KDM4B: variants seen among roughly 807,000 people sequenced by gnomAD.
KDM4B encodes the protein lysine demethylase 4B, also known as lysine-specific demethylase 4B.
In KDM4B, 32 loss-of-function variants were observed where a neutral mutation model predicts 125.2. The ratio of observed to expected loss-of-function variants is 0.26; its 90% CI spans 0.19 to 0.34. The LOEUF is 0.34. Among genes scored for constraint, KDM4B ranks in the 10% least tolerant of loss-of-function variants. The pLI, the probability that KDM4B is intolerant of heterozygous loss-of-function variation, is 1.00. For missense variants in KDM4B, 1,190 were observed against 1,577.7 expected, an observed-to-expected ratio of 0.75 and a Z score of 4.16; for synonymous variants, 721 against 677.9, an observed-to-expected ratio of 1.06 and a Z score of -0.99.
chr19:5,053,472 G>A (rs2037296657), intron 6 of KDM4B, among the ~76,000 whole-genome samples: 1 of 152,230 alleles, frequency 6.6e-6, no homozygotes, highest in Non-Finnish European at 1.5e-5. Context: ...TAGGGAGGCA[G>A]AGGGACCCTG....
At chr19:4,981,188 A>G (rs1208144766) in intron 1 of KDM4B, among the ~76,000 whole-genome samples, 2 of 152,090 alleles carry the variant, frequency 1.3e-5, no homozygotes, top group African/African-American at 2.4e-5. Context: ...TCTCCGCTCC[A>G]TGGGGCAGCG....
chr19:5,030,530 A>C (rs2036418685), intron 2 of KDM4B, among the ~76,000 whole-genome samples: 1 of 152,182 alleles, frequency 6.6e-6, no homozygotes, highest in Admixed American at 6.5e-5. Context: ...TGGCCCTTGC[A>C]GTGGGTTACA....
chr19:5,056,405 C>CTTTTT (rs941745686), intron 6 of KDM4B, among the ~76,000 whole-genome samples: 2 of 136,312 alleles, frequency 1.5e-5, no homozygotes, highest in Non-Finnish European at 3.2e-5. Context: ...CCCTTTCTTT[C>CTTTTT]TTTTTTTTTT....
intron 11 of KDM4B, among the ~76,000 whole-genome samples, chr19:5,126,065 T>C (rs765919101): frequency 2.6e-5 from 4 of 152,216 alleles, no homozygotes; most frequent in Non-Finnish European, 5.9e-5. Context: ...GCTATGACGC[T>C]GAGGCACCTT....
chr19:5,151,540 C>T lies in KDM4B; in HGVS notation c.*29C>T. 7.6e-7 allele frequency: 1 copy of T among 1,319,744 alleles called. No homozygotes were observed. Among genetic ancestry groups the T allele is most frequent in the Non-Finnish European group, 9.7e-7 (1 of 1,030,056 alleles). The allele number at this position is 1,319,744 out of a possible 1,614,324, so 81.8% of individuals were successfully genotyped here. A position where few individuals can be genotyped will look rare whatever the true frequency, so the allele number is the denominator to read the frequency against. On this transcript the variant is annotated 3_prime_UTR_variant, in exon 23 of 23. Transcript: ENST00000159111. The stretch of plus-strand genomic sequence containing the variant: ...AGCTGGCCGCTCAGGCGACCCTCAG[C>T]CCGGCGGGGAGGCCATGGCATGCCC...
At chr19:5,041,734 C>T (rs1206253118) in intron 5 of KDM4B, among the ~76,000 whole-genome samples, 2 of 152,240 alleles carry the variant, frequency 1.3e-5, no homozygotes, top group East Asian at 1.9e-4. Context: ...AGCCTGGGCT[C>T]TCCATGAGGG....
intron 11 of KDM4B, among the ~76,000 whole-genome samples, chr19:5,125,638 GA>G (rs1024553753): frequency 3.9e-5 from 6 of 152,188 alleles, no homozygotes; most frequent in African/African-American, 1.4e-4. Context: ...GTGCATCTCT[GA>G]GGCCTGTGGC....
rs531577643 is a variant in KDM4B, at chr19:5,115,443, A to G, written c.1116-4210A>G. On this transcript the variant is annotated intron_variant, in intron 10 of 22. Coordinates refer to ENST00000159111, the MANE Select transcript of KDM4B (RefSeq NM_015015.3). The surrounding 1 kb of genome is among the most constrained non-coding windows in gnomAD (Gnocchi z 4.2). ...GTGGGGGTCCTCTGCCAGAGAACAA[A>G]GGGGCCCAGTGGAGCAAAGCCACAT... is the stretch of plus-strand genomic sequence containing the variant. 1.2e-3 allele frequency among the ~76,000 whole-genome samples: 182 copies of G among 152,262 alleles called. 1 individual carries two copies. Among genetic ancestry groups the G allele is most frequent in the Admixed American group, 2.6e-3 (40 of 15,300 alleles).
intron 10 of KDM4B, among the ~76,000 whole-genome samples, chr19:5,118,772 C>G (rs368248333): frequency 2.6e-4 from 39 of 152,360 alleles, no homozygotes; most frequent in African/African-American, 9.4e-4. Flanking sequence ...AGCCTGTAAG[C>G]CTCAGGTTGA....
chr19:5,044,918 G>A (rs982532968), intron 5 of KDM4B, among the ~76,000 whole-genome samples: 1 of 152,142 alleles, frequency 6.6e-6, no homozygotes, highest in Non-Finnish European at 1.5e-5. Context: ...CATTTTTCAT[G>A]GCTTGAGAGC....
At chr19:5,049,303 G>A (rs999490388) in intron 6 of KDM4B, among the ~76,000 whole-genome samples, 1 of 152,102 alleles carries the variant, frequency 6.6e-6, no homozygotes, top group Non-Finnish European at 1.5e-5. Context: ...CCCCTCCTCT[G>A]CTTCGCCTGG....
chr19:4,970,616 C>T (rs896811074), intron 1 of KDM4B, among the ~76,000 whole-genome samples: 6 of 152,290 alleles, frequency 3.9e-5, no homozygotes, highest in African/African-American at 1.4e-4. Context: ...TAGACGACTC[C>T]TATGGGCTTT....
intron 1 of KDM4B, among the ~76,000 whole-genome samples, chr19:5,005,057 G>A (rs946058024): frequency 6.6e-6 from 1 of 152,210 alleles, no homozygotes; most frequent in Non-Finnish European, 1.5e-5. Flanking sequence ...GTGTGTGCCG[G>A]CCTGTCCTGC....
chr19:5,052,086 A>C (rs56289834), intron 6 of KDM4B, among the ~76,000 whole-genome samples: 108 of 152,034 alleles, frequency 7.1e-4, no homozygotes, highest in African/African-American at 2.5e-3. Context: ...GGGAGAGGGG[A>C]TTATCAGAAG....
At chr19:5,042,014 G>C (rs958727320) in intron 5 of KDM4B, among the ~76,000 whole-genome samples, 19 of 152,364 alleles carry the variant, frequency 1.2e-4, no homozygotes, top group African/African-American at 4.6e-4. Flanking sequence ...GCCCGCCCTG[G>C]AGAACCTGAG....
chr19:5,098,428 C>T (rs1039110537), intron 9 of KDM4B, among the ~76,000 whole-genome samples: 1 of 152,170 alleles, frequency 6.6e-6, no homozygotes, highest in African/African-American at 2.4e-5. Flanking sequence ...AGCTGCCCTG[C>T]CTGTTCCCTT....
chr19:5,118,853 G>C (rs1054848833), intron 10 of KDM4B, among the ~76,000 whole-genome samples: 1 of 152,212 alleles, frequency 6.6e-6, no homozygotes, highest in Non-Finnish European at 1.5e-5. Context: ...GGGTGTCCAG[G>C]TTGGGCATGC....
Position 5,018,862 on chromosome 19 carries a change from A to G in KDM4B, c.-26+2523A>G, listed in dbSNP as rs1159644642. 3.3e-5 allele frequency among the ~76,000 whole-genome samples: 5 copies of G among 152,204 alleles called. 1 individual carries two copies. Among genetic ancestry groups the G allele is most frequent in the Non-Finnish European group, 5.9e-5 (4 of 68,038 alleles). On this transcript the variant is annotated intron_variant, in intron 2 of 22. Coordinates refer to ENST00000159111, the MANE Select transcript of KDM4B (RefSeq NM_015015.3). ...CTCTCACTGAGTGGCCCATCCTCAGAGTTCATCCACTCCGTGGCCTGCGTC... is the reference window on the plus strand; with the variant it reads ...CTCTCACTGAGTGGCCCATCCTCAGGGTTCATCCACTCCGTGGCCTGCGTC...
At chr19:5,151,293 T>C (rs1349880258) in intron 22 of KDM4B, 42 bp from the exon 23 acceptor site, 3 of 1,415,720 alleles carry the variant, frequency 2.1e-6, no homozygotes, top group South Asian at 1.5e-5. Flanking sequence ...CCGCACAGAG[T>C]GTCTCCACCG....
Sources: gnomAD v4.1 joint callset for allele counts (sites outside exome capture counted in the v4.1 genomes callset) on GRCh38, gnomAD v4.1.1 for gene constraint, Gnocchi (gnomAD v3.1) non-coding constraint, MANE v1.5 for transcripts, NCBI Gene and HGNC (gene_info 2026-07-23, HGNC 2026-07-21) for gene names.